BCAS3: variants seen among roughly 807,000 people sequenced by gnomAD.
BCAS3 encodes BCAS4/BCAS3 fusion.
Under a neutral mutation model 116.1 loss-of-function variants are expected in BCAS3, and 53 were observed. The observed-to-expected ratio is 0.46, with a 90% CI of 0.37 to 0.57. BCAS3 has a LOEUF of 0.57. BCAS3 is among the 20% of genes least tolerant of loss of function. The pLI is 0.00. For synonymous variants in BCAS3, 391 were observed against 408.2 expected (o/e 0.96, Z 0.51); for missense variants, 917 against 1,165.4 (o/e 0.79, Z 3.10).
intron 7 of BCAS3, among the ~76,000 whole-genome samples, chr17:60,853,427 C>T (rs1334503029): frequency 6.6e-6 from 1 of 152,156 alleles, no homozygotes; most frequent in Non-Finnish European, 1.5e-5. Context: ...AATTCAAATG[C>T]TAGTGTTTAA....
chr17:61,120,049 A>C (rs908995097), intron 22 of BCAS3, among the ~76,000 whole-genome samples: 2 of 152,112 alleles, frequency 1.3e-5, no homozygotes, highest in African/African-American at 4.8e-5. Context: ...TATTTTAACA[A>C]TTGAAGGTAT....
chr17:61,292,264 A>G (rs2052489105), intron 22 of BCAS3, among the ~76,000 whole-genome samples: 1 of 152,132 alleles, frequency 6.6e-6, no homozygotes, highest in African/African-American at 2.4e-5. Flanking sequence ...TTGCCATTGA[A>G]CATTCTCACA....
At position 61,032,046 on chromosome 17, in the gene BCAS3, AT is replaced by A. The variant is rs1056272809; in HGVS notation, c.1638-2614del. ...CTAAACTAGTAAACATACAAAAAAT[AT>A]TTTTTGTATGTCAAAAAACTAAATT... On this transcript the variant is annotated intron_variant, in intron 16 of 23. Transcript: ENST00000407086. The surrounding 1 kb of genome is among the most constrained non-coding windows in gnomAD (Gnocchi z 4.6). Among the ~76,000 whole-genome samples, 2 of 152,078 alleles carry A rather than the reference AT, an allele frequency of 1.3e-5. No homozygotes were observed. Among genetic ancestry groups the A allele is most frequent in the African/African-American group, 4.8e-5 (2 of 41,422 alleles).
At position 61,026,482 on chromosome 17, in the gene BCAS3, T is replaced by C. The variant is rs1315346505; in HGVS notation, c.1638-8184T>C. On this transcript the variant is annotated intron_variant, in intron 16 of 23. Coordinates refer to ENST00000407086, the MANE Select transcript of BCAS3 (RefSeq NM_017679.5). The surrounding 1 kb of genome is among the most constrained non-coding windows in gnomAD (Gnocchi z 5.0). ...AGTCATCGTTAGCTAATTTTAACCA[T>C]TTTGTGTCACATAGCTACACATTTG... Among the ~76,000 whole-genome samples, 1 of 152,076 alleles carries C rather than the reference T, an allele frequency of 6.6e-6. No individual in the cohort carries two copies. Among genetic ancestry groups the C allele is most frequent in the Admixed American group, 6.6e-5 (1 of 15,252 alleles).
At chr17:60,900,778 G>A (rs1406795154) in intron 10 of BCAS3, among the ~76,000 whole-genome samples, 1 of 151,244 alleles carries the variant, frequency 6.6e-6, no homozygotes, top group East Asian at 1.9e-4. Context: ...TTTCTATAGT[G>A]CAAAATTCTG....
intron 6 of BCAS3, among the ~76,000 whole-genome samples, chr17:60,779,654 C>A (rs1438772665): frequency 1.3e-5 from 2 of 152,168 alleles, no homozygotes; most frequent in East Asian, 3.9e-4. Context: ...CAGGCGTGAG[C>A]CATCGCGCCC....
At chr17:61,025,754 A>G (rs1332959648) in intron 16 of BCAS3, among the ~76,000 whole-genome samples, 3 of 151,602 alleles carry the variant, frequency 2.0e-5, no homozygotes. Context: ...TTTTCCTTCT[A>G]CCTCACTTTC....
At chr17:60,863,078 C>G (rs1036028555) in intron 7 of BCAS3, among the ~76,000 whole-genome samples, 1 of 152,026 alleles carries the variant, frequency 6.6e-6, no homozygotes, top group African/African-American at 2.4e-5. Flanking sequence ...GACTTATGAT[C>G]CATTTTGAGT....
In BCAS3 at chr17:60,709,320, A is replaced by G. The variant is rs34712615; in HGVS notation, c.316A>G (p.Ile106Val). ...GYSDGMQVWS[I>V]PISGEAQELF... ...CAGTGATGGAATGCAGGTCTGGAGC[A>G]TCCCTGTAAGTACACATGTGGTTGA... Residue 106 changes from isoleucine (I) to valine (V), a missense_variant, in exon 5 of 24, where the codon ATC becomes GTC. By Grantham distance (29) the Ile-to-Val change is conservative. This residue lies in a region of BCAS3 where 807 missense variants were observed against 1,026.0 expected (regional missense o/e 0.79). Coordinates refer to ENST00000407086, the MANE Select transcript of BCAS3 (RefSeq NM_017679.5). The G allele has an allele frequency of 0.014, 21,403 of 1,577,612 alleles. 2,303 individuals carry two copies. In the African/African-American group the frequency reaches 0.24, roughly 18 times the overall value.
chr17:60,858,602 G>A (rs149656860), intron 7 of BCAS3, among the ~76,000 whole-genome samples: 30 of 151,996 alleles, frequency 2.0e-4, no homozygotes, highest in African/African-American at 6.3e-4. Flanking sequence ...TTTTATTATG[G>A]CTAATAAAAT....
chr17:61,060,417 G>A (rs1296978998), intron 19 of BCAS3, among the ~76,000 whole-genome samples: 4 of 152,054 alleles, frequency 2.6e-5, no homozygotes, highest in Admixed American at 6.5e-5. Context: ...TTACAGGCGC[G>A]AGCCACTGCG....
chr17:61,322,311 C>A (rs777204541), intron 22 of BCAS3, among the ~76,000 whole-genome samples: 2 of 152,190 alleles, frequency 1.3e-5, no homozygotes, highest in Non-Finnish European at 2.9e-5. Flanking sequence ...ATGCAGGGGA[C>A]CTGCTCTGAA....
intron 6 of BCAS3, among the ~76,000 whole-genome samples, chr17:60,768,078 T>G (rs2044295775): frequency 6.6e-6 from 1 of 152,230 alleles, no homozygotes; most frequent in African/African-American, 2.4e-5. Context: ...ATGAGAGGTG[T>G]CAGACACCGT....
At chr17:61,257,352 C>G (rs946910218) in intron 22 of BCAS3, among the ~76,000 whole-genome samples, 1 of 133,678 alleles carries the variant, frequency 7.5e-6, no homozygotes, top group Non-Finnish European at 1.5e-5. Flanking sequence ...ACCTGGGAGG[C>G]GGAGGTTGCA....
At chr17:61,043,145 G>T (rs923917106) in intron 19 of BCAS3, among the ~76,000 whole-genome samples, 3 of 151,474 alleles carry the variant, frequency 2.0e-5, no homozygotes, top group Non-Finnish European at 4.4e-5. Flanking sequence ...TAGGCAGATC[G>T]TCTGAGCTCA....
intron 22 of BCAS3, among the ~76,000 whole-genome samples, chr17:61,157,703 A>T (rs1479953350): frequency 6.7e-6 from 1 of 150,176 alleles, no homozygotes; most frequent in African/African-American, 2.5e-5. Flanking sequence ...GCTCGCCAGC[A>T]GGGCGCCAGC....
intron 19 of BCAS3, among the ~76,000 whole-genome samples, chr17:61,074,623 A>C (rs552302168): frequency 6.6e-6 from 1 of 152,264 alleles, no homozygotes; most frequent in South Asian, 2.1e-4. Flanking sequence ...TCATCCCCCA[A>C]TGAATAGATT....
chr17:60,709,598 A>G (rs1454224603), intron 5 of BCAS3: 1 of 310,512 alleles, frequency 3.2e-6, no homozygotes, highest in East Asian at 1.1e-4. Context: ...CATGTTGGCC[A>G]GGCTGGTCTC....
At chr17:60,874,253 A>G (rs2055385259) in intron 8 of BCAS3, among the ~76,000 whole-genome samples, 1 of 145,726 alleles carries the variant, frequency 6.9e-6, no homozygotes, top group African/African-American at 2.6e-5. Flanking sequence ...ATTATTTCTT[A>G]TAGAGACAGG....
Sources: gnomAD v4.1 joint callset for allele counts (sites outside exome capture counted in the v4.1 genomes callset) on GRCh38, gnomAD v4.1.1 for gene constraint, gnomAD v4.1.1 regional missense constraint, Gnocchi (gnomAD v3.1) non-coding constraint, MANE v1.5 for transcripts, NCBI Gene and HGNC (gene_info 2026-07-23, HGNC 2026-07-21) for gene names.